The following AKR1D1 variants were observed in gnomAD, a reference collection of about 807,000 sequenced individuals.
AKR1D1 encodes the protein aldo-keto reductase family 1 member D1, also known as delta(4)-3-ketosteroid 5-beta-reductase.
Under a neutral mutation model 42.6 loss-of-function variants are expected in AKR1D1, and 32 were observed. That is an observed-to-expected ratio of 0.75 (90% confidence interval 0.57 to 1.01). The LOEUF (loss-of-function observed/expected upper bound fraction) is 1.01. AKR1D1 is among the 50% of genes least tolerant of loss of function. AKR1D1 has a pLI of 0.00. For missense variants in AKR1D1, 364 were observed against 402.2 expected (o/e 0.91, Z 0.81); for synonymous variants, 123 against 135.5 (o/e 0.91, Z 0.64).
chr7:138,088,841 C>CCTGT (rs1554389871), intron 2 of AKR1D1, 73 bp downstream of exon 2: 5 of 1,230,166 alleles, frequency 4.1e-6, no homozygotes, highest in Non-Finnish European at 4.5e-6. Context: ...ATTCATCTTC[C>CCTGT]GTGTGTGTGT....
rs901200676 is a variant in AKR1D1, at chr7:138,117,823, T to C, written c.*1161T>C. Reference sequence around the variant, plus strand: ...TCAGGAGGTCAGGAGATCGAGACCATCTTGGCTAACAAGGTGAAACCCCGT... The same window carrying C: ...TCAGGAGGTCAGGAGATCGAGACCACCTTGGCTAACAAGGTGAAACCCCGT... On this transcript the variant is annotated 3_prime_UTR_variant, in exon 9 of 9. Transcript: ENST00000242375. The C allele has an allele frequency of 2.0e-5, 3 of 152,096 alleles. No homozygotes were observed. The highest frequency in any genetic ancestry group is 1.5e-5 in the Non-Finnish European group (1 of 68,048). 9.4% of individuals were successfully genotyped at this position (152,096 alleles called of 1,614,324 possible).
chr7:138,104,699 G>A (rs1487677401), intron 4 of AKR1D1, among the ~76,000 whole-genome samples: 6 of 116,344 alleles, frequency 5.2e-5, no homozygotes, highest in South Asian at 2.7e-4. Flanking sequence ...AAAAAAAAAA[G>A]TGCCCAGGTA....
At chr7:138,099,904 C>A (rs1203396113) in intron 4 of AKR1D1, among the ~76,000 whole-genome samples, 1 of 144,340 alleles carries the variant, frequency 6.9e-6, no homozygotes, top group African/African-American at 2.8e-5. Context: ...CTTAAAGGGA[C>A]CATGGAGCAC....
At chr7:138,088,580 C>T (rs1371670247) in intron 1 of AKR1D1, 21 bp from the exon 2 acceptor site, 1 of 1,614,008 alleles carries the variant, frequency 6.2e-7, no homozygotes. Flanking sequence ...TTCCCCAAAC[C>T]CAACCTCTTT....
intron 4 of AKR1D1, 71 bp from the exon 5 acceptor site, chr7:138,105,236 T>A: frequency 6.2e-7 from 1 of 1,607,076 alleles, no homozygotes; most frequent in Non-Finnish European, 8.5e-7. Flanking sequence ...GAATTCACAG[T>A]CACCCTTATA....
Position 138,116,658 on chromosome 7 carries a change from A to G in AKR1D1, c.977A>G (p.Tyr326Cys), listed in dbSNP as rs1322717724. ...DHPEYPFHDE[Y>C] is the part of the protein sequence containing the mutation. ...CCTGAATACCCATTTCATGATGAAT[A>G]CTGACTGCAGGGAGTTCCTGAACAG... The change falls in exon 9 of 9, where the codon TAC becomes TGC. Residue 326 changes from tyrosine to cysteine, a missense_variant. Coordinates refer to ENST00000242375, the MANE Select transcript of AKR1D1 (RefSeq NM_005989.4). 1.2e-6 allele frequency: 2 copies of G among 1,614,054 alleles called. No individual in the cohort carries two copies. Among genetic ancestry groups the G allele is most frequent in the African/African-American group, 2.7e-5 (2 of 74,922 alleles).
chr7:138,082,365 CTT>C (rs201567718), intron 1 of AKR1D1, among the ~76,000 whole-genome samples: 72 of 148,382 alleles, frequency 4.9e-4, no homozygotes, highest in African/African-American at 1.7e-3. Context: ...ATTTAATTTT[CTT>C]TTTTTTTTAT....
intron 6 of AKR1D1, chr7:138,107,050 G>A: frequency 2.1e-6 from 1 of 487,604 alleles, no homozygotes. Flanking sequence ...CTACTATGAT[G>A]TGCTCCATAA....
rs1222751373 is a variant in AKR1D1 at position 138,101,191 on chromosome 7, C to CCCTTCCTT, written c.456+3271_456+3278dup. Among the ~76,000 whole-genome samples the CCCTTCCTT allele has an allele frequency of 8.9e-3, 182 of 20,480 alleles. 1 individual carries two copies. Among genetic ancestry groups the CCCTTCCTT allele is most frequent in the Middle Eastern group, 0.045 (2 of 44 alleles). The allele number at this position is 20,480 out of a possible 152,430, so 13.4% of individuals were successfully genotyped here. On this transcript the variant is annotated intron_variant, in intron 4 of 8. Transcript: ENST00000242375. ...TCCCTCCCTCCCTCCCTCCCTCCCT[C>CCCTTCCTT]CCTTCCTTCCTTCCTTCCTTCCTTC...
Position 138,113,680 on chromosome 7 carries a change from G to A in AKR1D1, c.856-10G>A, listed in dbSNP as rs17169518. The A allele has an allele frequency of 0.041, 66,512 of 1,611,990 alleles. 1,620 individuals carry two copies. Among genetic ancestry groups the A allele is most frequent in the African/African-American group, 0.068 (5,087 of 74,958 alleles). On this transcript the variant is annotated splice_polypyrimidine_tract_variant and intron_variant, in intron 7 of 8. Transcript: ENST00000242375. ...CCTTCAAAAATGTTCTATTATTTCC[G>A]TTATTTCAGATCTTTGACTTTTCTC...
chr7:138,095,159 A>C (rs1794160209), intron 3 of AKR1D1, among the ~76,000 whole-genome samples: 1 of 152,180 alleles, frequency 6.6e-6, no homozygotes, highest in African/African-American at 2.4e-5. Flanking sequence ...AGGCTTGATA[A>C]CCACCTGATT....
At chr7:138,087,909 G>C (rs80134364) in intron 1 of AKR1D1, among the ~76,000 whole-genome samples, 1 of 107,400 alleles carries the variant, frequency 9.3e-6, no homozygotes, top group Admixed American at 9.5e-5. Flanking sequence ...TTTTTTTTTT[G>C]AGACAGGGTC....
intron 8 of AKR1D1, among the ~76,000 whole-genome samples, chr7:138,115,439 A>AC (rs1315045420): frequency 2.6e-5 from 4 of 152,180 alleles, no homozygotes; most frequent in Admixed American, 6.5e-5. Context: ...AACAAAACAA[A>AC]AAACAAACAA....
At chr7:138,098,048 GA>G in intron 4 of AKR1D1, 105 bp downstream of exon 4, 2 of 918,808 alleles carry the variant, frequency 2.2e-6, no homozygotes, top group Non-Finnish European at 3.6e-6. Context: ...TACTTTCAAT[GA>G]AAAGTAACAG....
intron 2 of AKR1D1, among the ~76,000 whole-genome samples, chr7:138,090,647 A>AAAG (rs1562932434): frequency 6.6e-6 from 1 of 151,976 alleles, no homozygotes; most frequent in African/African-American, 2.4e-5. Flanking sequence ...AAAAAAAAAA[A>AAAG]AAAAAGAAAA....
At chr7:138,092,346 C>T (rs184224042) in intron 3 of AKR1D1, among the ~76,000 whole-genome samples, 1 of 152,316 alleles carries the variant, frequency 6.6e-6, no homozygotes, top group East Asian at 1.9e-4. Context: ...CGCCCTCATC[C>T]TCACTTTGTT....
At chr7:138,103,657 A>G (rs1207933388) in intron 4 of AKR1D1, among the ~76,000 whole-genome samples, 1 of 152,110 alleles carries the variant, frequency 6.6e-6, no homozygotes, top group Non-Finnish European at 1.5e-5. Flanking sequence ...CTCACCAAAT[A>G]CCGGAAAAAG....
At chr7:138,083,906 T>C (rs1471870819) in intron 1 of AKR1D1, among the ~76,000 whole-genome samples, 1 of 152,184 alleles carries the variant, frequency 6.6e-6, no homozygotes, top group Admixed American at 6.5e-5. Flanking sequence ...TTCAGCTGTG[T>C]GCAGGTTAAT....
At chr7:138,099,934 A>C (rs1794257357) in intron 4 of AKR1D1, among the ~76,000 whole-genome samples, 2 of 151,086 alleles carry the variant, frequency 1.3e-5, no homozygotes, top group African/African-American at 4.9e-5. Context: ...AAGATGAGGA[A>C]TATCACGGGT....
Sources: allele counts gnomAD v4.1 joint callset (sites outside exome capture counted in the v4.1 genomes callset), GRCh38; gene constraint gnomAD v4.1.1; transcripts MANE v1.5; gene names NCBI Gene and HGNC (gene_info 2026-07-23, HGNC 2026-07-21).